GRK3: variants seen among roughly 807,000 people sequenced by gnomAD.
GRK3 encodes the protein adrenergic, beta, receptor kinase 2.
GRK3 carries 54 observed loss-of-function variants against 95.7 expected under a neutral mutation model. The observed-to-expected ratio is 0.56, with a 90% CI of 0.45 to 0.71. The LOEUF (loss-of-function observed/expected upper bound fraction) is 0.71. GRK3 is among the 30% of genes least tolerant of loss of function. The pLI, the probability that GRK3 is intolerant of heterozygous loss-of-function variation, is 0.00. For synonymous variants in GRK3, 281 were observed against 290.8 expected (o/e 0.97, Z 0.34); for missense variants, 649 against 851.2 (o/e 0.76, Z 2.96).
intron 17 of GRK3, among the ~76,000 whole-genome samples, chr22:25,712,788 C>G (rs2085354262): frequency 6.6e-6 from 1 of 152,166 alleles, no homozygotes; most frequent in Non-Finnish European, 1.5e-5. Flanking sequence ...CTAGTAGCTT[C>G]TATTATTATG....
At chr22:25,621,010 AG>A (rs151309068) in intron 2 of GRK3, among the ~76,000 whole-genome samples, 423 of 152,348 alleles carry the variant, frequency 2.8e-3, no homozygotes, top group African/African-American at 9.7e-3. Context: ...TTGATCTTTA[AG>A]TACCTGTAGA....
intron 2 of GRK3, among the ~76,000 whole-genome samples, chr22:25,627,240 T>C (rs992722779): frequency 6.6e-6 from 1 of 152,210 alleles, no homozygotes; most frequent in Non-Finnish European, 1.5e-5. Flanking sequence ...TACTAAAAAC[T>C]ATTCCCCAGC....
chr22:25,595,616 C>T (rs1284671469), intron 1 of GRK3, among the ~76,000 whole-genome samples: 1 of 152,064 alleles, frequency 6.6e-6, no homozygotes, highest in African/African-American at 2.4e-5. Context: ...TAAGTACAGA[C>T]TAGATTTCTC....
chr22:25,666,770 T>C (rs1168000954), intron 5 of GRK3, among the ~76,000 whole-genome samples: 1 of 152,286 alleles, frequency 6.6e-6, no homozygotes, highest in Non-Finnish European at 1.5e-5. Flanking sequence ...TTTTGTAAAC[T>C]TTCAGGATGA....
intron 19 of GRK3, among the ~76,000 whole-genome samples, chr22:25,719,511 T>C (rs1025168394): frequency 1.3e-5 from 2 of 152,190 alleles, no homozygotes; most frequent in Admixed American, 1.3e-4. Flanking sequence ...CAGCAAGATG[T>C]AGCTGCCCTC....
chr22:25,692,494 G>T (rs995842323), intron 12 of GRK3, among the ~76,000 whole-genome samples: 1 of 152,196 alleles, frequency 6.6e-6, no homozygotes, highest in Non-Finnish European at 1.5e-5. Flanking sequence ...CCAGCTGCTG[G>T]CGATGCCACG....
At chr22:25,632,417 A>G (rs2084670326) in intron 2 of GRK3, among the ~76,000 whole-genome samples, 1 of 152,194 alleles carries the variant, frequency 6.6e-6, no homozygotes, top group Admixed American at 6.5e-5. Context: ...AGAGTCTTTC[A>G]TATATTTTGG....
rs200351324 is a variant in GRK3, at chr22:25,718,220, C to T, written c.1655-25C>T. 8.1e-6 allele frequency: 13 copies of T among 1,607,478 alleles called. No homozygotes were observed. In the East Asian group the frequency reaches 2.2e-4, roughly 28 times the overall value. ...ACATTTTGTTTCAGAGCCTATTTAACTCCTAGTGATTTTGTATTCCTCAGA... is the reference window on the plus strand; with the variant it reads ...ACATTTTGTTTCAGAGCCTATTTAATTCCTAGTGATTTTGTATTCCTCAGA... On this transcript the variant is annotated intron_variant, in intron 18 of 20. Transcript: ENST00000324198.
At chr22:25,594,947 A>G (rs555297601) in intron 1 of GRK3, among the ~76,000 whole-genome samples, 100 of 152,276 alleles carry the variant, frequency 6.6e-4, no homozygotes, top group African/African-American at 1.8e-3. Context: ...TAGACGTGGA[A>G]AAAGCTTTCA....
chr22:25,624,529 A>T (rs1435046283), intron 2 of GRK3, among the ~76,000 whole-genome samples: 1 of 152,126 alleles, frequency 6.6e-6, no homozygotes, highest in Non-Finnish European at 1.5e-5. Flanking sequence ...ACGCCACTGC[A>T]TTCCAGCCTG....
chr22:25,651,362 G>T (rs1251286014), intron 3 of GRK3, among the ~76,000 whole-genome samples: 1 of 152,106 alleles, frequency 6.6e-6, no homozygotes, highest in African/African-American at 2.4e-5. Flanking sequence ...TTAATCATTA[G>T]ATTTGAAATT....
At chr22:25,643,057 C>T (rs1016254871) in intron 2 of GRK3, among the ~76,000 whole-genome samples, 7 of 152,108 alleles carry the variant, frequency 4.6e-5, no homozygotes, top group South Asian at 4.1e-4. Context: ...GAAGGACTCA[C>T]GGATCAAAGA....
intron 1 of GRK3, among the ~76,000 whole-genome samples, chr22:25,575,013 G>A (rs1024818495): frequency 1.3e-5 from 2 of 152,176 alleles, no homozygotes; most frequent in Non-Finnish European, 2.9e-5. Context: ...GAGAGGACAC[G>A]TATGTTGGTG....
intron 3 of GRK3, chr22:25,648,173 T>C: frequency 1.4e-6 from 1 of 704,716 alleles, no homozygotes; most frequent in East Asian, 2.5e-5. Flanking sequence ...GCGAAACTAC[T>C]AAAGGTGCTT....
chr22:25,632,956 G>A (rs1458148890), intron 2 of GRK3, among the ~76,000 whole-genome samples: 2 of 152,076 alleles, frequency 1.3e-5, no homozygotes, highest in African/African-American at 4.8e-5. Context: ...TGTCACCCAG[G>A]CTGGAGTGCA....
At chr22:25,671,400 AC>A (rs1298331766) in intron 6 of GRK3, among the ~76,000 whole-genome samples, 1 of 152,238 alleles carries the variant, frequency 6.6e-6, no homozygotes, top group Non-Finnish European at 1.5e-5. Context: ...TTAATAAAAA[AC>A]GTAATCAAAA....
intron 5 of GRK3, among the ~76,000 whole-genome samples, chr22:25,664,430 T>C (rs180725371): frequency 4.2e-4 from 64 of 152,058 alleles, no homozygotes; most frequent in African/African-American, 1.4e-3. Flanking sequence ...CATTGAGTAA[T>C]ATAATGGTTT....
intron 2 of GRK3, among the ~76,000 whole-genome samples, chr22:25,605,824 C>T (rs1165041605): frequency 6.6e-6 from 1 of 152,240 alleles, no homozygotes; most frequent in African/African-American, 2.4e-5. Flanking sequence ...AAGGGAATCA[C>T]ACACTGTGTG....
intron 2 of GRK3, among the ~76,000 whole-genome samples, chr22:25,629,342 A>G (rs1005904802): frequency 1.3e-5 from 2 of 152,202 alleles, no homozygotes; most frequent in Non-Finnish European, 2.9e-5. Flanking sequence ...GGCTGCCGAG[A>G]TGGAAGGAGT....
Sources: allele counts gnomAD v4.1 joint callset (sites outside exome capture counted in the v4.1 genomes callset), GRCh38; gene constraint gnomAD v4.1.1; transcripts MANE v1.5; gene names NCBI Gene and HGNC (gene_info 2026-07-23, HGNC 2026-07-21).